BANK1: variants seen among roughly 807,000 people sequenced by gnomAD.
BANK1 encodes the protein B-cell scaffold protein with ankyrin repeats.
Under a neutral mutation model 94.5 loss-of-function variants are expected in BANK1, and 95 were observed. The observed-to-expected ratio is 1.00, with a 90% CI of 0.85 to 1.19. The LOEUF is 1.19. Ranked by LOEUF, BANK1 falls within the 50% of genes most tolerant of loss-of-function variation. The pLI is 0.00. For missense variants in BANK1, 987 were observed against 932.2 expected (o/e 1.06, Z -0.77); for synonymous variants, 334 against 308.4 (o/e 1.08, Z -0.87).
intron 7 of BANK1, among the ~76,000 whole-genome samples, chr4:101,947,497 G>A (rs1198645961): frequency 6.6e-6 from 1 of 150,998 alleles, no homozygotes; most frequent in Non-Finnish European, 1.5e-5. Context: ...ATGTCTGATA[G>A]GTTCAAGTAG....
At chr4:101,922,009 CGTGT>C (rs68027862) in intron 7 of BANK1, among the ~76,000 whole-genome samples, 3,236 of 129,340 alleles carry the variant, frequency 0.025, 49 homozygotes, top group South Asian at 0.035. Flanking sequence ...ACACTGGGCC[CGTGT>C]GTGTGTGTGT....
At chr4:101,818,419 T>A (rs1426576931) in intron 1 of BANK1, among the ~76,000 whole-genome samples, 1 of 152,212 alleles carries the variant, frequency 6.6e-6, no homozygotes, top group Non-Finnish European at 1.5e-5. Context: ...ACCCTTTGGC[T>A]TTTGTACTGG....
intron 7 of BANK1, among the ~76,000 whole-genome samples, chr4:101,979,194 T>G (rs114033645): frequency 0.026 from 3,957 of 152,066 alleles, 181 homozygotes; most frequent in African/African-American, 0.091. Context: ...TGTTCTATTC[T>G]CTGAAAAGAA....
chr4:101,909,323 A>G (rs1428032988), intron 6 of BANK1, among the ~76,000 whole-genome samples: 1 of 152,168 alleles, frequency 6.6e-6, no homozygotes, highest in Non-Finnish European at 1.5e-5. Context: ...GTTCTCACTC[A>G]TAGGTGAGAA....
Position 102,056,467 on chromosome 4 carries a change from T to C in BANK1, c.1970-3744T>C, listed in dbSNP as rs189818962. Among the ~76,000 whole-genome samples, 400 of 152,208 alleles carry C rather than the reference T, an allele frequency of 2.6e-3. 1 individual carries two copies. The highest frequency in any genetic ancestry group is 4.4e-3 in the Non-Finnish European group (296 of 67,988). The stretch of plus-strand genomic sequence containing the variant: ...ATTAAAAACCATTTTTCAAAGAATA[T>C]TTAATGTTATGGAAAGATTCTTAGG... On this transcript the variant is annotated intron_variant, in intron 11 of 16. Coordinates refer to ENST00000322953, the MANE Select transcript of BANK1 (RefSeq NM_017935.5).
intron 7 of BANK1, among the ~76,000 whole-genome samples, chr4:101,968,552 A>G (rs912945023): frequency 1.3e-5 from 2 of 151,932 alleles, no homozygotes; most frequent in East Asian, 3.9e-4. Flanking sequence ...AGAGGAGAGT[A>G]ACAATGCCCC....
intron 1 of BANK1, among the ~76,000 whole-genome samples, chr4:101,792,469 G>GTTTT (rs5860691): frequency 9.2e-5 from 9 of 97,590 alleles, no homozygotes; most frequent in Non-Finnish European, 1.3e-4. Flanking sequence ...GTGTGTGTGT[G>GTTTT]TTTTTTTTTT....
At chr4:101,880,577 T>A (rs935060172) in intron 5 of BANK1, among the ~76,000 whole-genome samples, 1 of 151,846 alleles carries the variant, frequency 6.6e-6, no homozygotes. Context: ...AAAAAAACTA[T>A]CCTAAAGTTT....
At chr4:102,053,194 A>T (rs1728112375) in intron 11 of BANK1, among the ~76,000 whole-genome samples, 1 of 152,168 alleles carries the variant, frequency 6.6e-6, no homozygotes, top group Non-Finnish European at 1.5e-5. Flanking sequence ...AAACTAGAAT[A>T]GAAAATACGA....
At chr4:101,806,424 TA>T (rs1725557278) in intron 1 of BANK1, among the ~76,000 whole-genome samples, 4 of 152,202 alleles carry the variant, frequency 2.6e-5, no homozygotes, top group Non-Finnish European at 4.4e-5. Flanking sequence ...AGACGACTAT[TA>T]ATTAATCTAC....
chr4:101,836,307 C>G (rs962480136), intron 2 of BANK1, among the ~76,000 whole-genome samples: 1 of 152,060 alleles, frequency 6.6e-6, no homozygotes, highest in Non-Finnish European at 1.5e-5. Flanking sequence ...TGGTGAAACC[C>G]AGTCTCTACT....
intron 13 of BANK1, among the ~76,000 whole-genome samples, chr4:102,066,758 G>GA (rs1728608419): frequency 6.6e-6 from 1 of 152,084 alleles, no homozygotes; most frequent in South Asian, 2.1e-4. Context: ...GAATCTGTGG[G>GA]AAAAAGAATA....
At chr4:102,054,514 C>T (rs1728163322) in intron 11 of BANK1, among the ~76,000 whole-genome samples, 1 of 152,062 alleles carries the variant, frequency 6.6e-6, no homozygotes, top group Non-Finnish European at 1.5e-5. Flanking sequence ...GTTATACAAT[C>T]TCCCTCATAA....
chr4:101,807,803 G>A (rs905129860), intron 1 of BANK1, among the ~76,000 whole-genome samples: 7 of 152,132 alleles, frequency 4.6e-5, no homozygotes, highest in African/African-American at 1.4e-4. Context: ...ATTCAGGGCC[G>A]GGCGTGGTGG....
intron 7 of BANK1, among the ~76,000 whole-genome samples, chr4:101,951,827 A>G: frequency 6.6e-6 from 1 of 151,752 alleles, no homozygotes; most frequent in African/African-American, 2.4e-5. Flanking sequence ...TTTGATTTTT[A>G]GTTTTTATTT....
chr4:101,946,181 A>G (rs1723922157), intron 7 of BANK1, among the ~76,000 whole-genome samples: 1 of 152,042 alleles, frequency 6.6e-6, no homozygotes, highest in Non-Finnish European at 1.5e-5. Flanking sequence ...CAATAAGAAG[A>G]CATCAGATCT....
At chr4:101,861,338 C>G (rs1417087507) in intron 3 of BANK1, among the ~76,000 whole-genome samples, 1 of 151,978 alleles carries the variant, frequency 6.6e-6, no homozygotes, top group Non-Finnish European at 1.5e-5. Flanking sequence ...GTAATTTATA[C>G]TTAGGGGCAT....
chr4:101,900,411 A>G (rs1270094100), intron 6 of BANK1, among the ~76,000 whole-genome samples: 4 of 152,182 alleles, frequency 2.6e-5, no homozygotes, highest in Admixed American at 6.5e-5. Context: ...TACATAAGAC[A>G]AAATATTACT....
In BANK1 at chr4:101,829,873, G is replaced by C; in HGVS notation, c.136G>C (p.Glu46Gln). 1 of 1,611,628 alleles carries C rather than the reference G, an allele frequency of 6.2e-7. No individual in the cohort carries two copies. The highest frequency in any genetic ancestry group is 8.5e-7 in the Non-Finnish European group (1 of 1,178,168). The change falls in exon 2 of 17, where the codon GAA becomes CAA. Residue 46 changes from glutamate (E) to glutamine (Q), a missense_variant. Glu to Gln is a conservative substitution (Grantham distance 29, BLOSUM62 2). Coordinates refer to ENST00000322953, the MANE Select transcript of BANK1 (RefSeq NM_017935.5). ...TGAGGAATGGGCTCTGTACTTGACA[G>C]AAGTATTTTTACATGTTGTGAAAAG... ...DAEEWALYLT[E>Q]VFLHVVKREA...
Sources: allele counts gnomAD v4.1 joint callset (sites outside exome capture counted in the v4.1 genomes callset), GRCh38; gene constraint gnomAD v4.1.1; transcripts MANE v1.5; gene names NCBI Gene and HGNC (gene_info 2026-07-23, HGNC 2026-07-21).